Variants in BNIP3 observed in about 807,000 individuals in gnomAD.
BNIP3 encodes the protein BCL2/adenovirus E1B 19 kDa protein-interacting protein 3.
BNIP3 carries 16 observed loss-of-function variants against 23.9 expected under a neutral mutation model. The ratio of observed to expected loss-of-function variants is 0.67; its 90% confidence interval spans 0.45 to 1.01. The LOEUF (loss-of-function observed/expected upper bound fraction) is 1.01, where lower values mean the gene tolerates loss of function less well. Ranked by LOEUF, BNIP3 falls within the 50% of genes least tolerant of loss-of-function variation. The pLI is 0.00. For synonymous variants in BNIP3, 81 were observed against 89.3 expected (o/e 0.91, Z 0.53); for missense variants, 198 against 248.7 (o/e 0.80, Z 1.37).
At chr10:131,968,829 A>C (rs2036994738) in intron 5 of BNIP3, 1 of 350,864 alleles carries the variant, frequency 2.9e-6, no homozygotes, top group Admixed American at 3.9e-5. Context: ...TGCTGTTTCC[A>C]CACAGAAAGC....
intron 1 of BNIP3, among the ~76,000 whole-genome samples, chr10:131,979,391 GAC>G (rs2037102010): frequency 6.6e-6 from 1 of 152,220 alleles, no homozygotes; most frequent in African/African-American, 2.4e-5. Context: ...GCCAGTTGCA[GAC>G]ACAGCAGTGG....
intron 3 of BNIP3, chr10:131,971,275 T>G: frequency 2.6e-6 from 1 of 387,508 alleles, no homozygotes; most frequent in East Asian, 5.7e-5. Flanking sequence ...CGGCAAACAC[T>G]GTCCTAGGGA....
At chr10:131,978,330 A>C (rs1463031854) in intron 1 of BNIP3, among the ~76,000 whole-genome samples, 1 of 152,136 alleles carries the variant, frequency 6.6e-6, no homozygotes, top group Non-Finnish European at 1.5e-5. Flanking sequence ...CCTCAGAGAC[A>C]AAATACAGTC....
intron 1 of BNIP3, among the ~76,000 whole-genome samples, chr10:131,975,052 T>A (rs1007628049): frequency 9.2e-5 from 14 of 152,254 alleles, no homozygotes; most frequent in Non-Finnish European, 2.9e-5. Flanking sequence ...AGTTCTTGAT[T>A]TTAATTCAGT....
rs1016564461 is a variant in BNIP3 at position 131,968,651 on chromosome 10, G to A, written c.540-82C>T. The A allele has an allele frequency of 1.2e-5, 16 of 1,297,584 alleles. No individual in the cohort carries two copies. The African/African-American group carries it at 2.0e-4, about 17-fold the overall frequency. 80.4% of individuals were successfully genotyped at this position (1,297,584 alleles called of 1,614,324 possible). ...TACAGCTGAAACAGGGTAGCTCACT[G>A]TGGTTAGAGCTTATGCAAGGGGACT... is the stretch of plus-strand genomic sequence containing the variant. On this transcript the variant is annotated intron_variant, in intron 5 of 5. Coordinates refer to ENST00000368636, the MANE Select transcript of BNIP3 (RefSeq NM_004052.4).
At chr10:131,981,443 G>A (rs1427407959) in intron 1 of BNIP3, 2 of 394,122 alleles carry the variant, frequency 5.1e-6, no homozygotes, top group Non-Finnish European at 9.1e-6. Context: ...ACTGCGAGAC[G>A]CAGATTCACC....
chr10:131,972,496 G>C (rs1801631823), intron 3 of BNIP3, among the ~76,000 whole-genome samples: 2 of 152,240 alleles, frequency 1.3e-5, no homozygotes, highest in African/African-American at 4.8e-5. Flanking sequence ...GCTAGGAAAG[G>C]CACAGGGTGT....
chr10:131,977,426 G>T (rs537966508), intron 1 of BNIP3, among the ~76,000 whole-genome samples: 2 of 152,128 alleles, frequency 1.3e-5, no homozygotes, highest in Non-Finnish European at 2.9e-5. Context: ...AGAGACAAGT[G>T]TATCTCTGTC....
chr10:131,971,043 G>A (rs530389206), intron 3 of BNIP3, 73 bp from the exon 4 acceptor site: 109 of 1,372,726 alleles, frequency 7.9e-5, no homozygotes, highest in Non-Finnish European at 9.9e-5. Context: ...GCTCCCACCC[G>A]AGCTTCAGAT....
At position 131,970,508 on chromosome 10, in the gene BNIP3, G is replaced by A; in HGVS notation, c.539+130C>T. 7.6e-7 allele frequency: 1 copy of A among 1,307,674 alleles called. No individual in the cohort carries two copies. The highest frequency in any genetic ancestry group is 1.0e-6 in the Non-Finnish European group (1 of 966,110). 81.0% of individuals were successfully genotyped at this position (1,307,674 alleles called of 1,614,324 possible). On this transcript the variant is annotated intron_variant, in intron 5 of 5. Transcript: ENST00000368636. The surrounding 1 kb of genome is among the most constrained non-coding windows in gnomAD (Gnocchi z 4.1). ...CTGGACCTGAACAGTGACTACGTGG[G>A]TGTTTGTGAAAATGCACCAAGCTGT...
chr10:131,978,364 C>A (rs1361741359), intron 1 of BNIP3, among the ~76,000 whole-genome samples: 2 of 149,460 alleles, frequency 1.3e-5, no homozygotes, highest in African/African-American at 4.9e-5. Context: ...TAATCCATTT[C>A]TTATTCTCAC....
At chr10:131,975,100 T>C (rs1256703373) in intron 1 of BNIP3, among the ~76,000 whole-genome samples, 1 of 152,218 alleles carries the variant, frequency 6.6e-6, no homozygotes, top group Non-Finnish European at 1.5e-5. Flanking sequence ...AGATATTCTA[T>C]TCTATTATTT....
intron 2 of BNIP3, 192 bp downstream of exon 2, chr10:131,973,601 C>T: frequency 1.5e-6 from 1 of 689,348 alleles, no homozygotes; most frequent in Non-Finnish European, 2.4e-6. Flanking sequence ...AGACTAAGTC[C>T]CAGGTCACTG....
rs2037081409 is a variant in BNIP3, at chr10:131,976,888, A to G, written c.47-2945T>C. Among the ~76,000 whole-genome samples the G allele has an allele frequency of 6.6e-6, 1 of 152,232 alleles. No individual in the cohort carries two copies. Among genetic ancestry groups the G allele is most frequent in the African/African-American group, 2.4e-5 (1 of 41,460 alleles). ...AGCACTTTTGGAGTACACTGCTAAT[A>G]GGGTGACTTTATGAATAACGCACAC... On this transcript the variant is annotated intron_variant, in intron 1 of 5. Transcript: ENST00000368636. The surrounding 1 kb of genome is among the most constrained non-coding windows in gnomAD (Gnocchi z 4.3).
Position 131,968,458 on chromosome 10 carries a change from T to A in BNIP3, c.*66A>T. 6.8e-6 allele frequency: 9 copies of A among 1,318,818 alleles called. No homozygotes were observed. The highest frequency in any genetic ancestry group is 9.8e-6 in the Non-Finnish European group (9 of 915,066). The allele number at this position is 1,318,818 out of a possible 1,614,324, so 81.7% of individuals were successfully genotyped here. On this transcript the variant is annotated 3_prime_UTR_variant, in exon 6 of 6. Coordinates refer to ENST00000368636, the MANE Select transcript of BNIP3 (RefSeq NM_004052.4). ...GGCCACCCCAGGATCTAACAGCTCTTCAGTGAGCTATGTTGCAAGCTCAGA... is the reference window on the plus strand; with the variant it reads ...GGCCACCCCAGGATCTAACAGCTCTACAGTGAGCTATGTTGCAAGCTCAGA...
chr10:131,973,673 C>T (rs946346881), intron 2 of BNIP3, 120 bp downstream of exon 2: 28 of 1,407,754 alleles, frequency 2.0e-5, no homozygotes, highest in East Asian at 1.4e-4. Context: ...CAGTCCAGAA[C>T]GCGGCCCGAG....
intron 1 of BNIP3, among the ~76,000 whole-genome samples, chr10:131,977,039 G>A (rs1246914021): frequency 2.0e-5 from 3 of 152,288 alleles, no homozygotes; most frequent in Admixed American, 6.5e-5. Context: ...TTGGGAGGCC[G>A]AGGCGGGCAG....
chr10:131,970,715 C>T lies in BNIP3; in HGVS notation c.462G>A (p.Gly154=). The T allele has an allele frequency of 1.2e-6, 2 of 1,614,184 alleles. No homozygotes were observed. The highest frequency in any genetic ancestry group is 1.7e-6 in the Non-Finnish European group (2 of 1,180,034). ...TCAGAAATTCTGCAGAGAATATGCC[C>T]CCTTTCTTCATGACGCTCGTGTTCC... ...SMRNTSVMKK[G]GIFSAEFLKV... is the part of the protein sequence containing the mutation. The change falls in exon 5 of 6, where the codon GGG becomes GGA. Residue 154 remains glycine, a synonymous_variant. Coordinates refer to ENST00000368636, the MANE Select transcript of BNIP3 (RefSeq NM_004052.4). The surrounding 1 kb of genome is among the most constrained non-coding windows in gnomAD (Gnocchi z 4.1).
Position 131,968,389 on chromosome 10 carries a change from A to G in BNIP3, c.*135T>C. On this transcript the variant is annotated 3_prime_UTR_variant, in exon 6 of 6. Transcript: ENST00000368636. ...AGTGTCTATTCTTTTATTTTACTAAATTAGGAACGCAGCATTTACAGAACA... is the reference window on the plus strand; with the variant it reads ...AGTGTCTATTCTTTTATTTTACTAAGTTAGGAACGCAGCATTTACAGAACA... 1.4e-6 allele frequency: 1 copy of G among 726,038 alleles called. No individual in the cohort carries two copies. The highest frequency in any genetic ancestry group is 2.3e-6 in the Non-Finnish European group (1 of 434,198). 45.0% of individuals were successfully genotyped at this position (726,038 alleles called of 1,614,324 possible).
Sources: allele counts gnomAD v4.1 joint callset (sites outside exome capture counted in the v4.1 genomes callset), GRCh38; gene constraint gnomAD v4.1.1; non-coding constraint Gnocchi (gnomAD v3.1); transcripts MANE v1.5; gene names NCBI Gene and HGNC (gene_info 2026-07-23, HGNC 2026-07-21).